CACNA2D3: variants seen among roughly 807,000 people sequenced by gnomAD.
The protein encoded by CACNA2D3 is calcium voltage-gated channel auxiliary subunit alpha2delta 3.
A neutral mutation model predicts 160.6 loss-of-function variants in CACNA2D3; 60 were observed. That is an observed-to-expected ratio of 0.37 (90% CI 0.30 to 0.46). CACNA2D3 has a LOEUF of 0.46. Ranked by LOEUF, CACNA2D3 falls within the 20% of genes least tolerant of loss-of-function variation. The pLI is 1.00. For synonymous variants in CACNA2D3, 558 were observed against 492.9 expected (o/e 1.13, Z -1.75); for missense variants, 1,205 against 1,365.0 (o/e 0.88, Z 1.85).
At chr3:54,430,226 C>T (rs1699969373) in intron 4 of CACNA2D3, among the ~76,000 whole-genome samples, 1 of 152,150 alleles carries the variant, frequency 6.6e-6, no homozygotes, top group South Asian at 2.1e-4. Flanking sequence ...TATTTATTTG[C>T]TAGGTGTCTC....
intron 17 of CACNA2D3, among the ~76,000 whole-genome samples, chr3:54,848,794 C>G (rs1698991048): frequency 6.6e-6 from 1 of 152,206 alleles, no homozygotes; most frequent in Non-Finnish European, 1.5e-5. Flanking sequence ...CACACAGGCT[C>G]CCTGAGCTGC....
intron 11 of CACNA2D3, among the ~76,000 whole-genome samples, chr3:54,657,713 C>T (rs1462005636): frequency 6.6e-6 from 1 of 152,062 alleles, no homozygotes; most frequent in Non-Finnish European, 1.5e-5. Flanking sequence ...TCCTTCTTTC[C>T]AAGGCTGGGT....
chr3:54,663,529 C>A (rs1337981712), intron 11 of CACNA2D3, among the ~76,000 whole-genome samples: 1 of 152,288 alleles, frequency 6.6e-6, no homozygotes, highest in Non-Finnish European at 1.5e-5. Flanking sequence ...CAAATGGGGT[C>A]TGGAATTGAT....
intron 3 of CACNA2D3, among the ~76,000 whole-genome samples, chr3:54,339,433 A>G (rs1216293745): frequency 1.3e-5 from 2 of 152,094 alleles, no homozygotes; most frequent in South Asian, 2.1e-4. Context: ...CTGTTACGCT[A>G]TCATTTTCTC....
chr3:54,840,514 G>A (rs767721073), intron 16 of CACNA2D3, among the ~76,000 whole-genome samples: 16 of 140,998 alleles, frequency 1.1e-4, no homozygotes, highest in African/African-American at 4.3e-4. Flanking sequence ...GGGTTCAAGC[G>A]GTTCTCCTGC....
At chr3:54,649,383 G>A (rs1429401618) in intron 11 of CACNA2D3, among the ~76,000 whole-genome samples, 1 of 152,238 alleles carries the variant, frequency 6.6e-6, no homozygotes, top group Non-Finnish European at 1.5e-5. Flanking sequence ...TGTGGTAACA[G>A]GGAACAAACA....
intron 2 of CACNA2D3, among the ~76,000 whole-genome samples, chr3:54,158,331 T>C (rs1213963708): frequency 6.6e-6 from 1 of 152,186 alleles, no homozygotes. Flanking sequence ...CCAGACTGAC[T>C]TGAAAGTGTT....
chr3:54,738,748 C>A (rs1468198193), intron 11 of CACNA2D3, among the ~76,000 whole-genome samples: 1 of 152,200 alleles, frequency 6.6e-6, no homozygotes, highest in African/African-American at 2.4e-5. Flanking sequence ...CAAGAATGAT[C>A]TATGATCCCA....
intron 11 of CACNA2D3, among the ~76,000 whole-genome samples, chr3:54,693,480 TTGA>T (rs529168699): frequency 8.8e-4 from 134 of 152,350 alleles, no homozygotes; most frequent in African/African-American, 1.6e-3. Flanking sequence ...TACAAAATAC[TTGA>T]TGATAACTAT....
At chr3:54,833,204 G>A (rs1223196101) in intron 14 of CACNA2D3, among the ~76,000 whole-genome samples, 1 of 152,146 alleles carries the variant, frequency 6.6e-6, no homozygotes, top group African/African-American at 2.4e-5. Flanking sequence ...ATGTAGCATG[G>A]GAAATGAAGG....
rs964428824 is a variant in CACNA2D3 at position 54,155,028 on chromosome 3, G to A, written c.204+31434G>A. Reference sequence around the variant, plus strand: ...CAAACCATTATCACCTTCCATGGTAGAAATAACTGCTATGAAAACAAAACA... The same window carrying A: ...CAAACCATTATCACCTTCCATGGTAAAAATAACTGCTATGAAAACAAAACA... On this transcript the variant is annotated intron_variant, in intron 2 of 37. Transcript: ENST00000474759. Among the ~76,000 whole-genome samples, 5 of 152,328 alleles carry A rather than the reference G, an allele frequency of 3.3e-5. No individual in the cohort carries two copies. The East Asian group carries it at 9.6e-4, about 29-fold the overall frequency.
rs149891460 is a variant in CACNA2D3, at chr3:54,412,962, A to G, written c.381+26188A>G. Reference sequence around the variant, plus strand: ...TAAAGACAATAATATATTTACCTACATATTTACCATTTCTGACACTCTTCA... The same window carrying G: ...TAAAGACAATAATATATTTACCTACGTATTTACCATTTCTGACACTCTTCA... On this transcript the variant is annotated intron_variant, in intron 4 of 37. Coordinates refer to ENST00000474759, the MANE Select transcript of CACNA2D3 (RefSeq NM_018398.3). Among the ~76,000 whole-genome samples the G allele has an allele frequency of 7.2e-5, 11 of 151,916 alleles. No homozygotes were observed. In the East Asian group the frequency reaches 7.7e-4, roughly 11 times the overall value.
intron 2 of CACNA2D3, among the ~76,000 whole-genome samples, chr3:54,201,657 T>A (rs150216157): frequency 1.3e-5 from 2 of 152,328 alleles, no homozygotes; most frequent in South Asian, 2.1e-4. Flanking sequence ...AGAAAATAAA[T>A]GTAAGGAATG....
intron 25 of CACNA2D3, among the ~76,000 whole-genome samples, chr3:54,896,428 A>G (rs140812888): frequency 6.6e-6 from 1 of 152,318 alleles, no homozygotes; most frequent in African/African-American, 2.4e-5. Context: ...TTTCTTGTTT[A>G]GAGGGGACAT....
rs1429527717 is a variant in CACNA2D3, at chr3:54,642,125, T to A, written c.1054-3T>A. The A allele has an allele frequency of 6.3e-7, 1 of 1,594,532 alleles. No homozygotes were observed. Among genetic ancestry groups the A allele is most frequent in the South Asian group, 1.1e-5 (1 of 89,152 alleles). Reference sequence around the variant, plus strand: ...ACTATTTTGAACTTATTTCTTTCCCTAGTTCAACCACACGGGACAAGGAAG... The same window carrying A: ...ACTATTTTGAACTTATTTCTTTCCCAAGTTCAACCACACGGGACAAGGAAG... On this transcript the variant is annotated splice_polypyrimidine_tract_variant and splice_region_variant and intron_variant, in intron 10 of 37. Transcript: ENST00000474759.
Position 54,507,565 on chromosome 3 carries a change from A to G in CACNA2D3, c.544+3911A>G, listed in dbSNP as rs146501911. 2.8e-4 allele frequency among the ~76,000 whole-genome samples: 43 copies of G among 152,258 alleles called. 1 individual carries two copies. In the East Asian group the frequency reaches 7.7e-3, roughly 27 times the overall value. On this transcript the variant is annotated intron_variant, in intron 5 of 37. Coordinates refer to ENST00000474759, the MANE Select transcript of CACNA2D3 (RefSeq NM_018398.3). ...ACACCTGTGCCTCCTGGGCTATGAGATGTCATCCAGGGCTGTGGTGTTTTC... is the reference window on the plus strand; with the variant it reads ...ACACCTGTGCCTCCTGGGCTATGAGGTGTCATCCAGGGCTGTGGTGTTTTC...
chr3:54,687,124 T>TTTC (rs1559549370), intron 11 of CACNA2D3, among the ~76,000 whole-genome samples: 12 of 55,058 alleles, frequency 2.2e-4, no homozygotes, highest in South Asian at 4.1e-4. Flanking sequence ...TCTTTTTCTT[T>TTTC]TTTTTTTTTT....
chr3:54,618,374 T>TATATATATATATATACACACACAC, intron 9 of CACNA2D3, among the ~76,000 whole-genome samples: 1 of 54,582 alleles, frequency 1.8e-5, no homozygotes, highest in Non-Finnish European at 3.1e-5. Flanking sequence ...TATATATATA[T>TATATATATATATATACACACACAC]GCACACACAC....
At chr3:54,598,422 G>C (rs1004318181) in intron 9 of CACNA2D3, among the ~76,000 whole-genome samples, 5 of 151,580 alleles carry the variant, frequency 3.3e-5, no homozygotes, top group Admixed American at 6.6e-5. Context: ...TGGGATAAGA[G>C]CTTTTAGAAC....
Sources: allele counts gnomAD v4.1 joint callset (sites outside exome capture counted in the v4.1 genomes callset), GRCh38; gene constraint gnomAD v4.1.1; transcripts MANE v1.5; gene names NCBI Gene and HGNC (gene_info 2026-07-23, HGNC 2026-07-21).